The following COL27A1 variants were observed in gnomAD, a reference collection of about 807,000 sequenced individuals.
The protein encoded by COL27A1 is collagen alpha-1(XXVII) chain.
Under a neutral mutation model 251.3 loss-of-function variants are expected in COL27A1, and 106 were observed. That is an observed-to-expected ratio of 0.42 (90% CI 0.36 to 0.50). The LOEUF is 0.50. COL27A1 is among the 20% of genes least tolerant of loss of function. The pLI, the probability that COL27A1 is intolerant of heterozygous loss-of-function variation, is 0.00. For synonymous variants in COL27A1, 1,000 were observed against 986.3 expected, an observed-to-expected ratio of 1.01 and a Z score of -0.26; for missense variants, 2,325 against 2,522.8, an observed-to-expected ratio of 0.92 and a Z score of 1.68.
At chr9:114,289,686 TTC>T in intron 45 of COL27A1, among the ~76,000 whole-genome samples, 1 of 152,084 alleles carries the variant, frequency 6.6e-6, no homozygotes, top group South Asian at 2.1e-4. Context: ...GGCCCCTGCC[TTC>T]CCCCAGCCCC....
intron 19 of COL27A1, among the ~76,000 whole-genome samples, chr9:114,238,714 A>G (rs1229385000): frequency 1.3e-4 from 20 of 152,182 alleles, no homozygotes; most frequent in Non-Finnish European, 1.5e-5. Context: ...GGTCGCTGGA[A>G]AAAGGCTTTT....
At chr9:114,264,867 TGGGGAACGG>T in intron 29 of COL27A1, 48 bp from the exon 30 acceptor site, 3 of 1,556,804 alleles carry the variant, frequency 1.9e-6, no homozygotes, top group Admixed American at 1.9e-5. Context: ...GGTCCCTTTT[TGGGGAACGG>T]TCCTCCCAAG....
At chr9:114,258,188 A>AAATG (rs1343297752) in intron 27 of COL27A1, among the ~76,000 whole-genome samples, 2 of 152,234 alleles carry the variant, frequency 1.3e-5, no homozygotes, top group Non-Finnish European at 2.9e-5. Flanking sequence ...ATAAATACAT[A>AAATG]AATGAATGAA....
In COL27A1 at chr9:114,266,550, C is replaced by T; in HGVS notation, c.3394-15C>T. 6.2e-7 allele frequency: 1 copy of T among 1,612,354 alleles called. No homozygotes were observed. The highest frequency in any genetic ancestry group is 1.1e-5 in the South Asian group (1 of 91,016). ...TGACCTCTCCCAACTGTCTGTGTGT[C>T]TGTCTGTCTTCCAGGGCCCTCAGGG... On this transcript the variant is annotated splice_polypyrimidine_tract_variant and intron_variant, in intron 32 of 60. Transcript: ENST00000356083.
At chr9:114,300,881 C>A (rs1181759947) in intron 51 of COL27A1, among the ~76,000 whole-genome samples, 191 bp from the exon 52 acceptor site, 1 of 152,214 alleles carries the variant, frequency 6.6e-6, no homozygotes, top group Non-Finnish European at 1.5e-5. Context: ...TTCACTCTTG[C>A]CCCCATCGCC....
At chr9:114,302,962 T>C (rs16927979) in intron 56 of COL27A1, among the ~76,000 whole-genome samples, 2,891 of 152,238 alleles carry the variant, frequency 0.019, 54 homozygotes, top group African/African-American at 0.05. Context: ...CCTTGAGCCA[T>C]GCGTCATTCA....
chr9:114,232,376 G>C (rs1041748225), intron 16 of COL27A1, among the ~76,000 whole-genome samples: 2 of 152,190 alleles, frequency 1.3e-5, no homozygotes, highest in Admixed American at 1.3e-4. Flanking sequence ...CCCTGCTGCT[G>C]AGCTCTCCCT....
chr9:114,202,489 T>A (rs1207110737), intron 7 of COL27A1, among the ~76,000 whole-genome samples: 1 of 152,226 alleles, frequency 6.6e-6, no homozygotes, highest in Non-Finnish European at 1.5e-5. Context: ...TCACTTGTTC[T>A]TCCTAATCTG....
intron 27 of COL27A1, among the ~76,000 whole-genome samples, chr9:114,257,900 C>G (rs567337654): frequency 6.6e-6 from 1 of 152,136 alleles, no homozygotes; most frequent in Admixed American, 6.5e-5. Flanking sequence ...GACCTTTTGT[C>G]ATACATGTCA....
chr9:114,225,138 A>G (rs1422241314), intron 14 of COL27A1, among the ~76,000 whole-genome samples: 1 of 152,202 alleles, frequency 6.6e-6, no homozygotes, highest in African/African-American at 2.4e-5. Context: ...TGGCAACGCT[A>G]TTTGCAGTGT....
At chr9:114,268,378 C>T (rs1335423805) in intron 34 of COL27A1, among the ~76,000 whole-genome samples, 1 of 152,164 alleles carries the variant, frequency 6.6e-6, no homozygotes, top group African/African-American at 2.4e-5. Context: ...CCTCCTGTGC[C>T]CCTAGACACC....
At chr9:114,252,824 C>T (rs1833633690) in intron 26 of COL27A1, 55 bp from the exon 27 acceptor site, 2 of 1,569,098 alleles carry the variant, frequency 1.3e-6, no homozygotes, top group Non-Finnish European at 8.8e-7. Flanking sequence ...CGAGGTGGGA[C>T]TGAAGGAGGA....
At chr9:114,196,334 A>G (rs1027398258) in intron 7 of COL27A1, among the ~76,000 whole-genome samples, 3 of 152,238 alleles carry the variant, frequency 2.0e-5, no homozygotes, top group African/African-American at 7.2e-5. Context: ...TGATGGAGTA[A>G]CCTGTGCTGG....
intron 48 of COL27A1, 38 bp from the exon 49 acceptor site, chr9:114,292,065 C>T: frequency 6.5e-7 from 1 of 1,532,090 alleles, no homozygotes; most frequent in Non-Finnish European, 8.9e-7. Context: ...AGAACCCCTT[C>T]CCACTTTGAC....
chr9:114,183,427 G>A (rs1355676448), intron 5 of COL27A1, among the ~76,000 whole-genome samples: 1 of 152,200 alleles, frequency 6.6e-6, no homozygotes, highest in Non-Finnish European at 1.5e-5. Flanking sequence ...GAGGGATGTG[G>A]AAAGATGACG....
intron 24 of COL27A1, among the ~76,000 whole-genome samples, chr9:114,246,936 C>G (rs984134670): frequency 1.6e-4 from 24 of 151,152 alleles, no homozygotes; most frequent in African/African-American, 5.8e-4. Context: ...GTAGGGCCCT[C>G]GGGAAATAGA....
At chr9:114,296,089 C>G (rs1227671869) in intron 49 of COL27A1, among the ~76,000 whole-genome samples, 3 of 151,746 alleles carry the variant, frequency 2.0e-5, no homozygotes, top group African/African-American at 7.2e-5. Context: ...AAATGTAAAA[C>G]TGAAAATTAA....
At chr9:114,299,980 G>A in intron 49 of COL27A1, 90 bp from the exon 50 acceptor site, 1 of 1,227,414 alleles carries the variant, frequency 8.1e-7, no homozygotes, top group Non-Finnish European at 1.2e-6. Context: ...AAGGCTGGGA[G>A]GGAAAAGGCA....
At chr9:114,296,954 T>C (rs1828295556) in intron 49 of COL27A1, among the ~76,000 whole-genome samples, 1 of 152,190 alleles carries the variant, frequency 6.6e-6, no homozygotes, top group South Asian at 2.1e-4. Flanking sequence ...AGATAAAAAA[T>C]AGTATAGACT....
Sources: gnomAD v4.1 joint callset for allele counts (sites outside exome capture counted in the v4.1 genomes callset) on GRCh38, gnomAD v4.1.1 for gene constraint, MANE v1.5 for transcripts, NCBI Gene and HGNC (gene_info 2026-07-23, HGNC 2026-07-21) for gene names.